The following STAU1 variants were observed in gnomAD, a reference collection of about 807,000 sequenced individuals.
STAU1 encodes the protein staufen double-stranded RNA binding protein 1, also known as double-stranded RNA-binding protein Staufen homolog 1.
A neutral mutation model predicts 62.9 loss-of-function variants in STAU1; 13 were observed. The ratio of observed to expected loss-of-function variants is 0.21; its 90% CI spans 0.13 to 0.33. The LOEUF is 0.33. Ranked by LOEUF, STAU1 falls within the 10% of genes least tolerant of loss-of-function variation. The pLI is 1.00. For synonymous variants in STAU1, 269 were observed against 265.1 expected, an observed-to-expected ratio of 1.01 and a Z score of -0.14; for missense variants, 571 against 712.1, an observed-to-expected ratio of 0.80 and a Z score of 2.25.
At chr20:49,134,671 T>C in intron 6 of STAU1, 1 of 1,124,340 alleles carries the variant, frequency 8.9e-7, no homozygotes, top group African/African-American at 1.5e-5. Context: ...AGAATGAAGC[T>C]GATAGGACCT....
chr20:49,205,845 T>C, the STAU1 span, among the ~76,000 whole-genome samples: 1 of 150,876 alleles, frequency 6.6e-6, no homozygotes, highest in East Asian at 1.9e-4. Flanking sequence ...CAGCTAATTT[T>C]GTATTTTTAG....
the STAU1 span, among the ~76,000 whole-genome samples, chr20:49,195,535 C>CAAAAAAAAAAAAAAAAAAA: frequency 2.1e-4 from 8 of 38,146 alleles, no homozygotes; most frequent in Admixed American, 4.6e-4. Context: ...GACTCCGTCT[C>CAAAAAAAAAAAAAAAAAAA]AAAAAAAAAA....
At chr20:49,123,340 T>C (rs1219967406) in intron 7 of STAU1, 105 bp from the exon 8 acceptor site, 1 of 1,419,556 alleles carries the variant, frequency 7.0e-7, no homozygotes, top group African/African-American at 1.4e-5. Flanking sequence ...TGGGTTGACC[T>C]AATGGCTCAG....
chr20:49,145,150 G>A (rs1173167309), intron 5 of STAU1, among the ~76,000 whole-genome samples: 1 of 152,190 alleles, frequency 6.6e-6, no homozygotes, highest in African/African-American at 2.4e-5. Flanking sequence ...ACCTGGCTGG[G>A]CGTGGTGGCT....
rs756552022 is a variant in STAU1, at chr20:49,120,019, G to A, written c.1076C>T (p.Ala359Val). 14 of 1,614,054 alleles carry A rather than the reference G, an allele frequency of 8.7e-6. No individual in the cohort carries two copies. The highest frequency in any genetic ancestry group is 2.2e-5 in the East Asian group (1 of 44,886). Residue 359 changes from alanine (A) to valine (V), a missense_variant, in exon 9 of 14, where the codon GCG becomes GTG. Coordinates refer to ENST00000371856, the MANE Select transcript of STAU1 (RefSeq NM_017453.4). ...CTTGAGTGCGGGTTTGGTGGGCTGC[G>A]CCTGCGGGACTTTGAAACCAAGGAT... ...LEILGFKVPQ[A>V]QPTKPALKSE...
the STAU1 span, among the ~76,000 whole-genome samples, chr20:49,202,910 C>G: frequency 2.0e-5 from 3 of 150,358 alleles, no homozygotes; most frequent in Non-Finnish European, 4.4e-5. Context: ...CAAGGTGGTA[C>G]GCCTGCCTGT....
chr20:49,218,501 A>G, the STAU1 span, among the ~76,000 whole-genome samples: 1 of 152,164 alleles, frequency 6.6e-6, no homozygotes. Context: ...TTGGGATTAC[A>G]GGCGTGAGCC....
At chr20:49,138,902 G>A (rs556587984) in intron 5 of STAU1, among the ~76,000 whole-genome samples, 3 of 152,144 alleles carry the variant, frequency 2.0e-5, no homozygotes, top group African/African-American at 4.8e-5. Flanking sequence ...CTTAAAGGCT[G>A]GAGTTCTACA....
At chr20:49,214,203 C>A in the STAU1 span, among the ~76,000 whole-genome samples, 3 of 151,080 alleles carry the variant, frequency 2.0e-5, no homozygotes, top group Non-Finnish European at 4.4e-5. Flanking sequence ...CAGAGCTAGA[C>A]TCTATCACAA....
chr20:49,150,641 G>T (rs1440164687), intron 5 of STAU1, among the ~76,000 whole-genome samples: 3 of 152,078 alleles, frequency 2.0e-5, no homozygotes, highest in Non-Finnish European at 4.4e-5. Flanking sequence ...GATTACAGGC[G>T]TGAGCCACTG....
chr20:49,148,068 A>C (rs561131696), intron 5 of STAU1, among the ~76,000 whole-genome samples: 13 of 152,354 alleles, frequency 8.5e-5, no homozygotes, highest in Admixed American at 3.3e-4. Flanking sequence ...GTTATCTTTT[A>C]AAACTGTCTC....
At chr20:49,158,116 T>C (rs1448533523) in intron 3 of STAU1, among the ~76,000 whole-genome samples, 3 of 151,680 alleles carry the variant, frequency 2.0e-5, no homozygotes, top group Non-Finnish European at 1.5e-5. Flanking sequence ...ACCCTGCCTC[T>C]ACTAAAAATA....
At chr20:49,216,037 AAGAAGAAGAAG>A in the STAU1 span, among the ~76,000 whole-genome samples, 2 of 121,884 alleles carry the variant, frequency 1.6e-5, no homozygotes, top group African/African-American at 6.1e-5. Flanking sequence ...AAAAAAAAAG[AAGAAGAAGAAG>A]AAAAAAAAAG....
At chr20:49,187,218 G>A (rs974055273) in intron 1 of STAU1, among the ~76,000 whole-genome samples, 23 of 152,274 alleles carry the variant, frequency 1.5e-4, no homozygotes, top group African/African-American at 4.6e-4. Context: ...GATGATGGCG[G>A]GGCGGGGAGA....
At chr20:49,164,328 G>A (rs939336379) in intron 3 of STAU1, among the ~76,000 whole-genome samples, 51 of 151,644 alleles carry the variant, frequency 3.4e-4, no homozygotes, top group African/African-American at 1.2e-3. Context: ...ACAGGGTCTC[G>A]CTCTGTCTCC....
intron 3 of STAU1, chr20:49,159,250 T>C: frequency 1.4e-6 from 1 of 716,086 alleles, no homozygotes; most frequent in Non-Finnish European, 1.7e-6. Flanking sequence ...ATTCTGTTGG[T>C]GTAGCAAGGC....
chr20:49,134,654 G>C, intron 6 of STAU1: 1 of 1,193,986 alleles, frequency 8.4e-7, no homozygotes, highest in South Asian at 1.2e-5. Flanking sequence ...CAAAAACTAT[G>C]AAATTAAGAA....
chr20:49,219,184 C>T, the STAU1 span: 1 of 626,560 alleles, frequency 1.6e-6, no homozygotes, highest in Non-Finnish European at 2.8e-6. Context: ...CCCTTCCACC[C>T]TCCTCAAATA....
At chr20:49,180,112 T>C (rs1187788404) in intron 1 of STAU1, among the ~76,000 whole-genome samples, 2 of 152,180 alleles carry the variant, frequency 1.3e-5, no homozygotes, top group African/African-American at 4.8e-5. Flanking sequence ...AGGAAGCAGT[T>C]CAATTCCAAA....
Sources: allele counts gnomAD v4.1 joint callset (sites outside exome capture counted in the v4.1 genomes callset), GRCh38; gene constraint gnomAD v4.1.1; transcripts MANE v1.5; gene names NCBI Gene and HGNC (gene_info 2026-07-23, HGNC 2026-07-21).